GRID2: variants seen among roughly 807,000 people sequenced by gnomAD.
The protein encoded by GRID2 is glutamate ionotropic receptor delta type subunit 2, also known as glutamate receptor ionotropic, delta-2.
In GRID2, 33 loss-of-function variants were observed where a neutral mutation model predicts 114.8. The observed-to-expected ratio is 0.29, with a 90% CI of 0.22 to 0.38. GRID2 has a LOEUF of 0.38. Ranked by LOEUF, GRID2 falls within the 10% of genes least tolerant of loss-of-function variation. The pLI is 1.00. For synonymous variants in GRID2, 505 were observed against 449.9 expected (o/e 1.12, Z -1.55); for missense variants, 1,184 against 1,257.7 (o/e 0.94, Z 0.89).
At chr4:92,715,614 A>G (rs1236492113) in intron 2 of GRID2, among the ~76,000 whole-genome samples, 1 of 152,210 alleles carries the variant, frequency 6.6e-6, no homozygotes, top group Non-Finnish European at 1.5e-5. Flanking sequence ...GTGGAAGAAG[A>G]TGAAAGGTAC....
At chr4:92,482,263 T>A (rs1179858708) in intron 1 of GRID2, among the ~76,000 whole-genome samples, 3 of 151,464 alleles carry the variant, frequency 2.0e-5, no homozygotes, top group Non-Finnish European at 4.4e-5. Flanking sequence ...GGTGCTAAAC[T>A]TTGAGAACAC....
intron 2 of GRID2, among the ~76,000 whole-genome samples, chr4:92,893,789 G>A (rs953474243): frequency 3.9e-5 from 6 of 152,164 alleles, no homozygotes; most frequent in Admixed American, 3.3e-4. Context: ...GTCAGAACTT[G>A]AAAATGAGAT....
chr4:92,794,551 T>C (rs1022723903), intron 2 of GRID2, among the ~76,000 whole-genome samples: 1 of 151,810 alleles, frequency 6.6e-6, no homozygotes, highest in Non-Finnish European at 1.5e-5. Flanking sequence ...TTTATCCTCA[T>C]TGATAAATAG....
chr4:92,677,294 TAAA>T (rs932164030), intron 2 of GRID2, among the ~76,000 whole-genome samples: 1 of 152,078 alleles, frequency 6.6e-6, no homozygotes, highest in Admixed American at 6.5e-5. Flanking sequence ...TTTTACCACA[TAAA>T]AAAGAGATTA....
chr4:92,541,094 G>A (rs1725919989), intron 1 of GRID2, among the ~76,000 whole-genome samples: 1 of 151,962 alleles, frequency 6.6e-6, no homozygotes, highest in Admixed American at 6.6e-5. Flanking sequence ...ATTGAACAAT[G>A]AGAACACATG....
chr4:92,403,703 A>AGG (rs1560609391), intron 1 of GRID2, among the ~76,000 whole-genome samples: 2 of 135,068 alleles, frequency 1.5e-5, no homozygotes, highest in African/African-American at 5.5e-5. Context: ...AAAATAAATA[A>AGG]ATAAATAAAT....
intron 2 of GRID2, among the ~76,000 whole-genome samples, chr4:93,037,667 G>A (rs1725052693): frequency 6.6e-6 from 1 of 152,148 alleles, no homozygotes; most frequent in Non-Finnish European, 1.5e-5. Flanking sequence ...TGGCTAGCCA[G>A]TTTTACCAAC....
chr4:93,165,820 G>T (rs193005915), intron 4 of GRID2, among the ~76,000 whole-genome samples: 1 of 152,132 alleles, frequency 6.6e-6, no homozygotes, highest in African/African-American at 2.4e-5. Context: ...TTGATGGACG[G>T]CGCAAAACCA....
At chr4:93,337,432 C>T (rs745946434) in intron 8 of GRID2, among the ~76,000 whole-genome samples, 2 of 152,196 alleles carry the variant, frequency 1.3e-5, no homozygotes, top group African/African-American at 4.8e-5. Flanking sequence ...GAGGAGCCCA[C>T]ATGAATGTTG....
intron 2 of GRID2, among the ~76,000 whole-genome samples, chr4:92,940,219 G>C (rs1560723307): frequency 6.8e-6 from 1 of 146,930 alleles, no homozygotes; most frequent in Admixed American, 7.3e-5. Context: ...TCTTCCATTT[G>C]TTTGTATCCT....
rs745392261 is a variant in GRID2, at chr4:92,794,905, T to TATATATACACACACAC, written c.244+204620_244+204621insTATATACACACACACA. On this transcript the variant is annotated intron_variant, in intron 2 of 15. Transcript: ENST00000282020. ...ATATATATATATATATATATATATA[T>TATATATACACACACAC]ACACACACACACACACACACATATC... Among the ~76,000 whole-genome samples, 36 of 127,798 alleles carry TATATATACACACACAC rather than the reference T, an allele frequency of 2.8e-4. No individual in the cohort carries two copies. The South Asian group carries it at 4.0e-3, about 14-fold the overall frequency. 83.8% of individuals were successfully genotyped at this position (127,798 alleles called of 152,430 possible).
chr4:93,275,672 T>C (rs922816445), intron 8 of GRID2, among the ~76,000 whole-genome samples: 29 of 151,894 alleles, frequency 1.9e-4, no homozygotes, highest in African/African-American at 7.0e-4. Context: ...TCCTAGTGGA[T>C]GTGAGGTGAT....
At chr4:93,592,051 T>A (rs1040261764) in intron 13 of GRID2, among the ~76,000 whole-genome samples, 2 of 152,222 alleles carry the variant, frequency 1.3e-5, no homozygotes, top group Non-Finnish European at 2.9e-5. Flanking sequence ...TGTGTCTCTA[T>A]TTCCTTCAGT....
intron 2 of GRID2, among the ~76,000 whole-genome samples, chr4:92,640,792 CA>C (rs1370969704): frequency 6.6e-6 from 1 of 151,668 alleles, no homozygotes; most frequent in Non-Finnish European, 1.5e-5. Context: ...CAGGTTATTG[CA>C]AGCACTTAAA....
At chr4:93,209,463 T>C (rs1237139369) in intron 5 of GRID2, among the ~76,000 whole-genome samples, 2 of 152,178 alleles carry the variant, frequency 1.3e-5, no homozygotes, top group African/African-American at 4.8e-5. Context: ...TTCCACAATG[T>C]ATATGTGCCA....
intron 14 of GRID2, among the ~76,000 whole-genome samples, chr4:93,628,710 G>C (rs1339311943): frequency 7.9e-5 from 12 of 151,242 alleles, no homozygotes; most frequent in African/African-American, 2.7e-4. Context: ...ATTAGTTATG[G>C]TTAATTGGCT....
intron 2 of GRID2, among the ~76,000 whole-genome samples, chr4:92,619,956 G>T (rs1485260884): frequency 1.3e-5 from 2 of 151,552 alleles, no homozygotes; most frequent in Non-Finnish European, 3.0e-5. Context: ...AGTTTTTATG[G>T]AATAAGTGTC....
chr4:93,267,019 C>G (rs1750914848), intron 8 of GRID2, among the ~76,000 whole-genome samples: 2 of 141,986 alleles, frequency 1.4e-5, no homozygotes, highest in Non-Finnish European at 3.0e-5. Context: ...TTAGTGTCCA[C>G]TTGTGAGAAC....
At chr4:92,990,716 A>T (rs1056571017) in intron 2 of GRID2, among the ~76,000 whole-genome samples, 1 of 152,168 alleles carries the variant, frequency 6.6e-6, no homozygotes, top group African/African-American at 2.4e-5. Flanking sequence ...GAAGAAAAAA[A>T]AATGAAGTCC....
Sources: allele counts gnomAD v4.1 joint callset (sites outside exome capture counted in the v4.1 genomes callset), GRCh38; gene constraint gnomAD v4.1.1; transcripts MANE v1.5; gene names NCBI Gene and HGNC (gene_info 2026-07-23, HGNC 2026-07-21).